TENM2: variants seen among roughly 807,000 people sequenced by gnomAD.
TENM2 encodes the protein teneurin transmembrane protein 2.
A neutral mutation model predicts 245.2 loss-of-function variants in TENM2; 52 were observed. That is an observed-to-expected ratio of 0.21 (90% CI 0.17 to 0.27). TENM2 has a LOEUF of 0.27. Ranked by LOEUF, TENM2 falls within the 10% of genes least tolerant of loss-of-function variation. The pLI is 1.00. For synonymous variants in TENM2, 1,363 were observed against 1,438.9 expected (o/e 0.95, Z 1.19); for missense variants, 3,046 against 3,666.8 (o/e 0.83, Z 4.37).
At chr5:167,063,497 C>T in the TENM2 span, among the ~76,000 whole-genome samples, 1 of 152,036 alleles carries the variant, frequency 6.6e-6, no homozygotes, top group East Asian at 1.9e-4. Context: ...CTAATAGAAC[C>T]TTATCATTAA....
At chr5:167,112,272 A>G in the TENM2 span, among the ~76,000 whole-genome samples, 329 of 152,324 alleles carry the variant, frequency 2.2e-3, no homozygotes, top group Middle Eastern at 3.4e-3. Flanking sequence ...CTTTTCACAC[A>G]CGGTGGTAAA....
intron 1 of TENM2, among the ~76,000 whole-genome samples, chr5:167,351,111 A>G (rs865886209): frequency 7.0e-5 from 10 of 142,862 alleles, no homozygotes; most frequent in Admixed American, 2.2e-4. Flanking sequence ...TATATATGGG[A>G]TATATACATA....
chr5:167,065,777 A>G, the TENM2 span, among the ~76,000 whole-genome samples: 3 of 152,196 alleles, frequency 2.0e-5, no homozygotes, highest in African/African-American at 7.2e-5. Context: ...CATGGACTGG[A>G]TAGCTTACTG....
the TENM2 span, among the ~76,000 whole-genome samples, chr5:167,062,420 A>C: frequency 4.7e-3 from 708 of 152,254 alleles, 6 homozygotes; most frequent in African/African-American, 0.016. Context: ...GATAGCAGAC[A>C]GGCCAAAAGA....
chr5:168,119,590 C>T (rs1205440180), intron 10 of TENM2, among the ~76,000 whole-genome samples: 1 of 152,184 alleles, frequency 6.6e-6, no homozygotes. Flanking sequence ...AAGAATTGGC[C>T]ACAGCTGGTA....
At chr5:167,279,486 CTT>C in the TENM2 span, among the ~76,000 whole-genome samples, 4 of 148,048 alleles carry the variant, frequency 2.7e-5, no homozygotes, top group Admixed American at 7.0e-5. Context: ...TTCTTCCTTT[CTT>C]TCTTTCTCTT....
intron 12 of TENM2, among the ~76,000 whole-genome samples, chr5:168,145,723 A>G (rs1292655265): frequency 6.6e-6 from 1 of 150,744 alleles, no homozygotes; most frequent in African/African-American, 2.4e-5. Context: ...GAAGAAAGTC[A>G]CTGGTAGCTT....
At chr5:167,795,943 C>T (rs963171396) in intron 2 of TENM2, among the ~76,000 whole-genome samples, 13 of 152,096 alleles carry the variant, frequency 8.5e-5, no homozygotes, top group African/African-American at 3.1e-4. Flanking sequence ...AGTAAGAATG[C>T]ATTTTGTTCT....
At chr5:167,425,113 A>T (rs1440786573) in intron 2 of TENM2, among the ~76,000 whole-genome samples, 3 of 152,220 alleles carry the variant, frequency 2.0e-5, no homozygotes, top group African/African-American at 7.2e-5. Context: ...AGTTTGAAAA[A>T]TTTATTTGTA....
chr5:167,285,114 A>G, intron 1 of TENM2, 51 bp downstream of exon 3: 1 of 1,397,906 alleles, frequency 7.2e-7, no homozygotes, highest in Non-Finnish European at 9.9e-7. Flanking sequence ...AACTTACTTG[A>G]TTTACATGGT....
At chr5:167,871,431 A>T (rs1055559486) in intron 2 of TENM2, among the ~76,000 whole-genome samples, 2 of 152,104 alleles carry the variant, frequency 1.3e-5, no homozygotes. Flanking sequence ...AAAAAAATTC[A>T]TGAGTTCAAA....
At chr5:167,646,151 G>A (rs1286094430) in intron 2 of TENM2, among the ~76,000 whole-genome samples, 1 of 80,236 alleles carries the variant, frequency 1.2e-5, no homozygotes, top group Non-Finnish European at 2.8e-5. Context: ...TATATATGTT[G>A]TTTTCATATA....
chr5:167,754,931 C>A, intron 2 of TENM2: 1 of 1,320,124 alleles, frequency 7.6e-7, no homozygotes, highest in Non-Finnish European at 1.0e-6. Context: ...CAGATATTGC[C>A]TATTATGCTT....
chr5:168,234,604 T>C (rs1357252916), intron 25 of TENM2, among the ~76,000 whole-genome samples: 1 of 152,178 alleles, frequency 6.6e-6, no homozygotes, highest in African/African-American at 2.4e-5. Context: ...CTCTTGAGGC[T>C]CTATTGCCTC....
the TENM2 span, among the ~76,000 whole-genome samples, chr5:167,143,636 C>T: frequency 2.6e-5 from 4 of 152,106 alleles, no homozygotes; most frequent in Admixed American, 2.6e-4. Context: ...GCCTTAACCA[C>T]TGAGTTGAAG....
intron 12 of TENM2, among the ~76,000 whole-genome samples, chr5:168,147,761 C>G (rs1756233888): frequency 1.3e-5 from 2 of 152,178 alleles, no homozygotes; most frequent in Non-Finnish European, 2.9e-5. Context: ...CATGCACAGC[C>G]ATACATCAGA....
chr5:167,011,531 G>T, the TENM2 span, among the ~76,000 whole-genome samples: 1 of 152,188 alleles, frequency 6.6e-6, no homozygotes, highest in African/African-American at 2.4e-5. Flanking sequence ...TGTTCTTTGC[G>T]TACTTGATGA....
chr5:168,008,931 C>T (rs1276207234), intron 5 of TENM2, among the ~76,000 whole-genome samples: 1 of 152,084 alleles, frequency 6.6e-6, no homozygotes, highest in Non-Finnish European at 1.5e-5. Context: ...TATGAGAGGG[C>T]CTTTGATCCA....
At chr5:168,230,664 C>T (rs1040569193) in intron 25 of TENM2, among the ~76,000 whole-genome samples, 1 of 152,168 alleles carries the variant, frequency 6.6e-6, no homozygotes, top group Non-Finnish European at 1.5e-5. Flanking sequence ...TGTGTCTTTT[C>T]ATCCCTGCTC....
Sources: allele counts gnomAD v4.1 joint callset (sites outside exome capture counted in the v4.1 genomes callset), GRCh38; gene constraint gnomAD v4.1.1; transcripts MANE v1.5; gene names NCBI Gene and HGNC (gene_info 2026-07-23, HGNC 2026-07-21).